SLC35E1: variants seen among roughly 807,000 people sequenced by gnomAD.
SLC35E1 encodes solute carrier family 35 member E1, also known as solute carrier family 35, member E1.
SLC35E1 carries 12 observed loss-of-function variants against 31.0 expected under a neutral mutation model. That is an observed-to-expected ratio of 0.39 (90% CI 0.25 to 0.63). SLC35E1 has a LOEUF of 0.63. Among genes scored for constraint, SLC35E1 ranks in the 20% least tolerant of loss-of-function variants. The probability of loss-of-function intolerance (pLI) is 0.52; values close to 1 mark genes in which losing one functional copy is unlikely to be tolerated. For synonymous variants in SLC35E1, 257 were observed against 264.1 expected, an observed-to-expected ratio of 0.97 and a Z score of 0.26; for missense variants, 429 against 572.2, an observed-to-expected ratio of 0.75 and a Z score of 2.55.
chr19:16,560,106 C>T (rs1157973362), intron 4 of SLC35E1, among the ~76,000 whole-genome samples: 1 of 152,096 alleles, frequency 6.6e-6, no homozygotes, highest in Non-Finnish European at 1.5e-5. Flanking sequence ...GAAAGCCAAG[C>T]GGTGGTCTCT....
At chr19:16,563,312 A>G (rs1377284610) in intron 4 of SLC35E1, among the ~76,000 whole-genome samples, 1 of 151,482 alleles carries the variant, frequency 6.6e-6, no homozygotes, top group Non-Finnish European at 1.5e-5. Context: ...AGACAGAAAA[A>G]CTCCGTCTCA....
At position 16,564,047 on chromosome 19, in the gene SLC35E1, T is replaced by C. The variant is rs555471889; in HGVS notation, c.756+2485A>G. On this transcript the variant is annotated intron_variant, in intron 4 of 5. Transcript: ENST00000595753. ...CTTTGCTGCTGCCCCAAGTGTGTAC[T>C]TCCTAATTTTTCACAGTAAAGGCCT... 4 of 152,336 alleles carry C rather than the reference T, an allele frequency of 2.6e-5. 1 individual carries two copies. In the South Asian group the frequency reaches 8.3e-4, roughly 32 times the overall value. 9.4% of individuals were successfully genotyped at this position (152,336 alleles called of 1,614,324 possible). A position where few individuals can be genotyped will look rare whatever the true frequency, so the allele number is the denominator to read the frequency against.
At chr19:16,561,239 A>AAAG (rs1568273081) in intron 4 of SLC35E1, among the ~76,000 whole-genome samples, 22 of 141,070 alleles carry the variant, frequency 1.6e-4, no homozygotes, top group African/African-American at 6.1e-4. Flanking sequence ...AAAAAAAAAA[A>AAAG]AAAAGAAAGA....
chr19:16,570,233 C>T (rs2085950830), intron 2 of SLC35E1, among the ~76,000 whole-genome samples: 1 of 152,228 alleles, frequency 6.6e-6, no homozygotes, highest in African/African-American at 2.4e-5. Context: ...CAGCTACACA[C>T]CTCAGGGACA....
intron 2 of SLC35E1, among the ~76,000 whole-genome samples, chr19:16,568,736 T>A (rs1193695780): frequency 6.6e-6 from 1 of 152,224 alleles, no homozygotes; most frequent in Non-Finnish European, 1.5e-5. Context: ...TTTCGCCATG[T>A]TAGCCAGGCT....
intron 4 of SLC35E1, chr19:16,566,322 A>C: frequency 1.7e-6 from 1 of 600,410 alleles, no homozygotes; most frequent in Non-Finnish European, 2.8e-6. Flanking sequence ...GGGATCAAGC[A>C]CACCAGAGAA....
chr19:16,567,212 ACT>A (rs1302920216), intron 3 of SLC35E1, among the ~76,000 whole-genome samples: 1 of 152,002 alleles, frequency 6.6e-6, no homozygotes, highest in Non-Finnish European at 1.5e-5. Context: ...ACGGGGTCTC[ACT>A]CTATTCCTAT....
intron 2 of SLC35E1, among the ~76,000 whole-genome samples, chr19:16,570,182 A>T (rs533737403): frequency 6.6e-6 from 1 of 152,356 alleles, no homozygotes; most frequent in South Asian, 2.1e-4. Flanking sequence ...AATGTCCCGT[A>T]CAACGGGGAA....
chr19:16,557,221 T>C (rs2085879282), intron 4 of SLC35E1: 1 of 307,938 alleles, frequency 3.2e-6, no homozygotes, highest in South Asian at 2.8e-5. Flanking sequence ...TGAGACAGAG[T>C]TTTGCTCTGT....
intron 4 of SLC35E1, among the ~76,000 whole-genome samples, chr19:16,560,042 C>A (rs1034170119): frequency 3.9e-5 from 6 of 152,164 alleles, no homozygotes; most frequent in Non-Finnish European, 7.3e-5. Flanking sequence ...GTTTTCAAAG[C>A]CTTTCCAGTG....
intron 1 of SLC35E1, 125 bp downstream of exon 1, chr19:16,571,819 T>C: frequency 9.1e-7 from 1 of 1,101,072 alleles, no homozygotes; most frequent in Non-Finnish European, 1.3e-6. Flanking sequence ...ACCAAACCCT[T>C]GGCAGCCCCT....
In SLC35E1 at chr19:16,555,426, C is replaced by A; in HGVS notation, c.757-29G>T. The A allele has an allele frequency of 6.2e-7, 1 of 1,608,042 alleles. No homozygotes were observed. Among genetic ancestry groups the A allele is most frequent in the African/African-American group, 1.3e-5 (1 of 74,884 alleles). On this transcript the variant is annotated intron_variant, in intron 4 of 5. Transcript: ENST00000595753. The surrounding 1 kb of genome is among the most constrained non-coding windows in gnomAD (Gnocchi z 4.1). ...CAGAGACCGGAAGGTAAAGACAGCA[C>A]TTCAGTGGGCAGCGGTGACCCTGCC...
chr19:16,554,290 AG>A (rs2085863025), intron 5 of SLC35E1, among the ~76,000 whole-genome samples: 6 of 151,244 alleles, frequency 4.0e-5, no homozygotes, highest in Admixed American at 3.3e-4. Context: ...AAAAAAAAAA[AG>A]TCAGTTAACC....
chr19:16,565,243 A>G, intron 4 of SLC35E1: 1 of 404,976 alleles, frequency 2.5e-6, no homozygotes, highest in Non-Finnish European at 4.9e-6. Context: ...GGAGCTTCAC[A>G]CTTGTTGCCC....
rs765274441 is a variant in SLC35E1, at chr19:16,568,164, G to A, written c.498C>T (p.Tyr166=). The A allele has an allele frequency of 6.2e-7, 1 of 1,609,554 alleles. No homozygotes were observed. The highest frequency in any genetic ancestry group is 1.1e-5 in the South Asian group (1 of 90,624). Residue 166 remains tyrosine (Y), a synonymous_variant, in exon 3 of 6, where the codon TAC becomes TAT. Coordinates refer to ENST00000595753, the MANE Select transcript of SLC35E1 (RefSeq NM_024881.5). ...IMKEKQSTKV[Y]LSLIPIISGV... ...CGCTGATGATGGGGATGAGTGACAA[G>A]TATACCTGCAGGAAGAGGTCATCAA...
At chr19:16,571,887 C>T in intron 1 of SLC35E1, 57 bp downstream of exon 1, 2 of 1,509,948 alleles carry the variant, frequency 1.3e-6, no homozygotes, top group African/African-American at 1.4e-5. Context: ...TATCCATGCG[C>T]CCAAACCCGA....
intron 4 of SLC35E1, chr19:16,565,053 G>A (rs1201623373): frequency 4.5e-6 from 2 of 447,076 alleles, no homozygotes; most frequent in Non-Finnish European, 9.0e-6. Context: ...TTTCTAACTC[G>A]AGTCTGGAAG....
chr19:16,564,633 G>A (rs920559617), intron 4 of SLC35E1, among the ~76,000 whole-genome samples: 4 of 152,026 alleles, frequency 2.6e-5, no homozygotes, highest in Non-Finnish European at 1.5e-5. Flanking sequence ...CTAGGAAAAC[G>A]AATAATTCAT....
At chr19:16,565,274 G>A (rs561111166) in intron 4 of SLC35E1, 66 of 365,124 alleles carry the variant, frequency 1.8e-4, no homozygotes, top group African/African-American at 1.0e-3. Flanking sequence ...GCAGTGGTGC[G>A]ATCTCGGCTC....
Sources: allele counts gnomAD v4.1 joint callset (sites outside exome capture counted in the v4.1 genomes callset), GRCh38; gene constraint gnomAD v4.1.1; non-coding constraint Gnocchi (gnomAD v3.1); transcripts MANE v1.5; gene names NCBI Gene and HGNC (gene_info 2026-07-23, HGNC 2026-07-21).